PLA2G4E: variants seen among roughly 807,000 people sequenced by gnomAD.
PLA2G4E encodes the protein phospholipase A2 group IVE, also known as cytosolic phospholipase A2 epsilon.
A neutral mutation model predicts 109.1 loss-of-function variants in PLA2G4E; 84 were observed. The observed-to-expected ratio is 0.77, with a 90% CI of 0.65 to 0.92. The LOEUF is 0.92. PLA2G4E is among the 40% of genes least tolerant of loss of function. The pLI is 0.00. For synonymous variants in PLA2G4E, 469 were observed against 436.1 expected (o/e 1.08, Z -0.94); for missense variants, 1,057 against 1,076.6 (o/e 0.98, Z 0.25).
chr15:42,010,347 C>T lies in PLA2G4E; in HGVS notation c.257-2482G>A, dbSNP rs549927384. Reference sequence around the variant, plus strand: ...CGATAAAGCCCATTAAATAAAAACTCAGTATTTTTGGCCTAAGGCTTAAAT... The same window carrying T: ...CGATAAAGCCCATTAAATAAAAACTTAGTATTTTTGGCCTAAGGCTTAAAT... On this transcript the variant is annotated intron_variant, in intron 2 of 19. Coordinates refer to ENST00000399518, the Ensembl canonical transcript of PLA2G4E. The T allele has an allele frequency of 3.7e-5, 12 of 328,706 alleles. 1 individual carries two copies. In the South Asian group the frequency reaches 3.8e-4, roughly 10 times the overall value. 20.4% of individuals were successfully genotyped at this position (328,706 alleles called of 1,614,324 possible).
intron 5 of PLA2G4E, among the ~76,000 whole-genome samples, chr15:42,004,057 T>C (rs533806044): frequency 6.6e-6 from 1 of 152,306 alleles, no homozygotes; most frequent in South Asian, 2.1e-4. Flanking sequence ...ATGCCTGTAA[T>C]CCCAGCACTT....
At chr15:42,021,991 T>C (rs978376988) in intron 1 of PLA2G4E, among the ~76,000 whole-genome samples, 2 of 152,212 alleles carry the variant, frequency 1.3e-5, no homozygotes, top group African/African-American at 4.8e-5. Flanking sequence ...GGCCTTAGCC[T>C]GCTGCTCTCC....
chr15:41,984,040 T>C, intron 19 of PLA2G4E, 66 bp from the exon 20 acceptor site: 1 of 1,455,658 alleles, frequency 6.9e-7, no homozygotes, highest in Admixed American at 2.0e-5. Context: ...TGTTTCCACA[T>C]CTCTCCCCAA....
At chr15:42,011,705 G>C (rs1408043266) in intron 2 of PLA2G4E, among the ~76,000 whole-genome samples, 1 of 151,944 alleles carries the variant, frequency 6.6e-6, no homozygotes, top group Non-Finnish European at 1.5e-5. Context: ...ACTCCAGCCT[G>C]GGCAACAGAG....
intron 2 of PLA2G4E, among the ~76,000 whole-genome samples, chr15:42,012,284 C>A (rs1396958901): frequency 6.6e-6 from 1 of 152,220 alleles, no homozygotes; most frequent in Non-Finnish European, 1.5e-5. Flanking sequence ...TTCCTCAAGA[C>A]CCCAGGTACC....
At chr15:42,032,781 A>G (rs904900440) in intron 1 of PLA2G4E, among the ~76,000 whole-genome samples, 5 of 152,208 alleles carry the variant, frequency 3.3e-5, no homozygotes, top group African/African-American at 1.2e-4. Context: ...GACACAGACT[A>G]AAAATTGTGT....
intron 1 of PLA2G4E, among the ~76,000 whole-genome samples, chr15:42,043,245 G>A (rs1359808881): frequency 3.3e-5 from 5 of 152,176 alleles, no homozygotes; most frequent in African/African-American, 4.8e-5. Context: ...GAGGCCTTCC[G>A]GAGGCCAGGC....
Position 42,013,348 on chromosome 15 carries a change from C to A in PLA2G4E, c.256+337G>T, listed in dbSNP as rs367589889. 2.3e-4 allele frequency among the ~76,000 whole-genome samples: 35 copies of A among 152,314 alleles called. No homozygotes were observed. The East Asian group carries it at 4.3e-3, about 19-fold the overall frequency. ...GTGCTCCGTGTGGGCAAAGCGGGTGCTCTTGGAAATCGATTCCAGGAAGAG... is the reference window on the plus strand; with the variant it reads ...GTGCTCCGTGTGGGCAAAGCGGGTGATCTTGGAAATCGATTCCAGGAAGAG... On this transcript the variant is annotated intron_variant, in intron 2 of 19. Coordinates refer to ENST00000399518, the Ensembl canonical transcript of PLA2G4E.
intron 11 of PLA2G4E, 131 bp from the exon 12 acceptor site, chr15:41,995,627 C>T (rs571640864): frequency 2.0e-5 from 23 of 1,176,930 alleles, no homozygotes; most frequent in South Asian, 1.6e-4. Flanking sequence ...GGGAGTGCGG[C>T]GTTGAGCCAC....
At chr15:42,023,309 C>T (rs2068665005) in intron 1 of PLA2G4E, among the ~76,000 whole-genome samples, 1 of 151,628 alleles carries the variant, frequency 6.6e-6, no homozygotes, top group African/African-American at 2.4e-5. Flanking sequence ...TGGACCCAGT[C>T]TGCCCTGTGT....
intron 1 of PLA2G4E, among the ~76,000 whole-genome samples, chr15:42,023,184 G>C (rs1163972514): frequency 2.0e-5 from 3 of 149,774 alleles, no homozygotes; most frequent in African/African-American, 7.6e-5. Flanking sequence ...AAAGAAGGAG[G>C]CTTTGTGAAA....
At chr15:42,047,768 C>T (rs1288315641) in intron 1 of PLA2G4E, among the ~76,000 whole-genome samples, 2 of 152,150 alleles carry the variant, frequency 1.3e-5, no homozygotes, top group Non-Finnish European at 2.9e-5. Context: ...TCACAAAGGT[C>T]TCAGGGAATG....
exon 15 of PLA2G4E, chr15:41,989,512 C>A: frequency 6.2e-7 from 1 of 1,613,924 alleles, no homozygotes; most frequent in African/African-American, 1.3e-5. Flanking sequence ...AGGCCCCATA[C>A]TTCTGCAGGC....
chr15:42,050,584 A>G (rs1889489327), exon 1 of PLA2G4E: 2 of 1,550,508 alleles, frequency 1.3e-6, no homozygotes, highest in African/African-American at 1.4e-5. Flanking sequence ...GGTCCTGTGT[A>G]TCCTCGAACT....
chr15:42,038,507 C>T (rs1889257441), intron 1 of PLA2G4E, among the ~76,000 whole-genome samples: 1 of 152,208 alleles, frequency 6.6e-6, no homozygotes, highest in South Asian at 2.1e-4. Context: ...AACCTAGATC[C>T]CTTGCATAGG....
intron 14 of PLA2G4E, among the ~76,000 whole-genome samples, chr15:41,989,850 A>G (rs2068213498): frequency 6.6e-6 from 1 of 152,238 alleles, no homozygotes; most frequent in African/African-American, 2.4e-5. Context: ...CTCTCTGGGC[A>G]GCGTAGAAAT....
At chr15:42,040,590 C>T (rs1889298752) in intron 1 of PLA2G4E, among the ~76,000 whole-genome samples, 1 of 152,190 alleles carries the variant, frequency 6.6e-6, no homozygotes, top group African/African-American at 2.4e-5. Flanking sequence ...TAATACAAGA[C>T]TAATTTGTAA....
chr15:42,034,094 A>G (rs1294759948), intron 1 of PLA2G4E, among the ~76,000 whole-genome samples: 1 of 152,188 alleles, frequency 6.6e-6, no homozygotes, highest in Admixed American at 6.5e-5. Flanking sequence ...TGCAAACAGT[A>G]ACCAAAGACT....
intron 13 of PLA2G4E, among the ~76,000 whole-genome samples, chr15:41,992,008 A>C (rs1668580): frequency 0.94 from 143,645 of 152,254 alleles, 67,935 homozygotes; most frequent in African/African-American, 0.98. Context: ...TGTGCTGGGT[A>C]GCAGCTCTCA....
Sources: gnomAD v4.1 joint callset for allele counts (sites outside exome capture counted in the v4.1 genomes callset) on GRCh38, gnomAD v4.1.1 for gene constraint, MANE v1.5 for transcripts, NCBI Gene and HGNC (gene_info 2026-07-23, HGNC 2026-07-21) for gene names.